The following STRAP variants were observed in gnomAD, a reference collection of about 807,000 sequenced individuals.
STRAP encodes serine-threonine kinase receptor-associated protein.
In STRAP, 16 loss-of-function variants were observed where a neutral mutation model predicts 47.0. The observed-to-expected ratio is 0.34, with a 90% CI of 0.23 to 0.52. The LOEUF (loss-of-function observed/expected upper bound fraction) is 0.52. STRAP is among the 20% of genes least tolerant of loss of function. The pLI, the probability that STRAP is intolerant of heterozygous loss-of-function variation, is 0.96. For missense variants in STRAP, 293 were observed against 420.0 expected, an observed-to-expected ratio of 0.70 and a Z score of 2.64; for synonymous variants, 130 against 142.7, an observed-to-expected ratio of 0.91 and a Z score of 0.63.
At position 15,902,924 on chromosome 12, in the gene STRAP, T is replaced by G; in HGVS notation, c.999T>G (p.Ile333Met). The change falls in exon 10 of 10, where the codon ATT becomes ATG. Residue 333 changes from isoleucine to methionine, a missense_variant. Physicochemically the swap from Ile to Met is conservative, Grantham distance 10. Around this residue, in one of 5 missense-constraint regions of STRAP, gnomAD observed 52 missense variants for 45.0 expected, o/e 1.16. Coordinates refer to ENST00000419869, the MANE Select transcript of STRAP (RefSeq NM_007178.4). ...TTTTTTTTTTACTTATAGAAGAAAT[T>G]GCTTCAGAGAATTCAGATTGCATCT... ...PETTEEELEE[I>M]ASENSDCIFP... 1 of 1,509,280 alleles carries G rather than the reference T, an allele frequency of 6.6e-7. No individual in the cohort carries two copies. The highest frequency in any genetic ancestry group is 2.4e-5 in the East Asian group (1 of 41,804). The allele number at this position is 1,509,280 out of a possible 1,614,324, so 93.5% of individuals were successfully genotyped here.
In STRAP at chr12:15,882,845, T is replaced by C. The variant is rs10846242; in HGVS notation, c.112+26T>C. On this transcript the variant is annotated intron_variant, in intron 1 of 9. Transcript: ENST00000419869. ...GTGAGCAAGGCCGCAATCCTGGTCC[T>C]CGACGGCTGGGACTGGGCTGAAAGG... 0.014 allele frequency: 22,312 copies of C among 1,596,696 alleles called. 2,270 individuals are homozygous for C. In the African/African-American group the frequency reaches 0.24, roughly 17 times the overall value.
intron 2 of STRAP, among the ~76,000 whole-genome samples, chr12:15,886,627 T>C (rs1421964151): frequency 5.9e-5 from 9 of 152,144 alleles, no homozygotes; most frequent in Admixed American, 5.9e-4. Flanking sequence ...GTCTTGTCTG[T>C]GGGGTGTAGG....
chr12:15,897,620 C>T (rs555393853), intron 6 of STRAP, among the ~76,000 whole-genome samples: 3 of 151,996 alleles, frequency 2.0e-5, no homozygotes, highest in South Asian at 2.1e-4. Context: ...CACTCATTTC[C>T]GGGAAGACAT....
intron 9 of STRAP, among the ~76,000 whole-genome samples, chr12:15,902,675 G>T (rs938297228): frequency 1.3e-5 from 2 of 152,178 alleles, no homozygotes; most frequent in African/African-American, 4.8e-5. Flanking sequence ...GACCCTTGGA[G>T]GTTGAGTTAT....
At chr12:15,885,269 A>C (rs111347377) in intron 2 of STRAP, among the ~76,000 whole-genome samples, 1 of 148,002 alleles carries the variant, frequency 6.8e-6, no homozygotes, top group African/African-American at 2.5e-5. Context: ...GCTCACTGCA[A>C]CCTCCACCTC....
In STRAP at chr12:15,888,822, CTG is replaced by C. The variant is rs201205836; in HGVS notation, c.249-1103_249-1102del. Among the ~76,000 whole-genome samples the C allele has an allele frequency of 6.0e-4, 91 of 152,216 alleles. 2 individuals are homozygous for C. In the East Asian group the frequency reaches 0.016, roughly 26 times the overall value. On this transcript the variant is annotated intron_variant, in intron 2 of 9. Coordinates refer to ENST00000419869, the MANE Select transcript of STRAP (RefSeq NM_007178.4). ...AAAGCTCTACTATGGCAAGAACCTA[CTG>C]TGGGGTATTTTTTGTCTCCCATTTG... is the stretch of plus-strand genomic sequence containing the variant.
At position 15,899,949 on chromosome 12, in the gene STRAP, G is replaced by A; in HGVS notation, c.821G>A (p.Ser274Asn). ...HFGPIHCVRF[S>N]PDGELYASGS... Reference sequence around the variant, plus strand: ...GGTCCTATTCACTGTGTGAGATTTAGTCCTGATGGAGAACTCTATGCCAGT... The same window carrying A: ...GGTCCTATTCACTGTGTGAGATTTAATCCTGATGGAGAACTCTATGCCAGT... Residue 274 changes from serine to asparagine, a missense_variant, in exon 8 of 10, where the codon AGT (serine) becomes AAT (asparagine). Ser to Asn is a conservative substitution (Grantham distance 46). Transcript: ENST00000419869. The A allele has an allele frequency of 1.2e-6, 2 of 1,613,436 alleles. No homozygotes were observed. Among genetic ancestry groups the A allele is most frequent in the Non-Finnish European group, 1.7e-6 (2 of 1,179,776 alleles).
intron 2 of STRAP, among the ~76,000 whole-genome samples, chr12:15,884,395 T>G (rs1947951143): frequency 6.6e-6 from 1 of 152,230 alleles, no homozygotes; most frequent in Admixed American, 6.5e-5. Context: ...ATGATCTTCC[T>G]GTCTTCCCTT....
rs1018468027 is a variant in STRAP, at chr12:15,896,341, G to A, written c.638+845G>A. ...TTATTTCTGTTCCTGAGTATTTGCA[G>A]ACTTAATGAATTTTTTAAACAGATT... On this transcript the variant is annotated intron_variant, in intron 6 of 9. Transcript: ENST00000419869. This position sits in a 1 kb window ranked among gnomAD's most constrained non-coding sequence, Gnocchi z 4.1. Among the ~76,000 whole-genome samples the A allele has an allele frequency of 6.6e-6, 1 of 152,168 alleles. No individual in the cohort carries two copies.
chr12:15,888,477 TC>T (rs1947989131), intron 2 of STRAP, among the ~76,000 whole-genome samples: 1 of 152,186 alleles, frequency 6.6e-6, no homozygotes, highest in Non-Finnish European at 1.5e-5. Context: ...ATTATTTCTT[TC>T]AGAACATATT....
chr12:15,903,245 A>G lies in STRAP; in HGVS notation c.*267A>G, dbSNP rs1427232467. ...ATGAATATATACAAGCCAACATCCAATTTCTATTATTACAATTAGGGTTCT... is the reference window on the plus strand; with the variant it reads ...ATGAATATATACAAGCCAACATCCAGTTTCTATTATTACAATTAGGGTTCT... On this transcript the variant is annotated 3_prime_UTR_variant, in exon 10 of 10. Transcript: ENST00000419869. 1 of 286,178 alleles carries G rather than the reference A, an allele frequency of 3.5e-6. No homozygotes were observed. Among genetic ancestry groups the G allele is most frequent in the Non-Finnish European group, 6.4e-6 (1 of 157,180 alleles). The allele number at this position is 286,178 out of a possible 1,614,324, so 17.7% of individuals were successfully genotyped here. A position where few individuals can be genotyped will look rare whatever the true frequency, so the allele number is the denominator to read the frequency against.
At chr12:15,891,407 A>T (rs991987818) in intron 4 of STRAP, among the ~76,000 whole-genome samples, 1 of 152,192 alleles carries the variant, frequency 6.6e-6, no homozygotes, top group South Asian at 2.1e-4. Context: ...CTGCAGTTAC[A>T]GTTTTTTCAT....
At position 15,882,756 on chromosome 12, in the gene STRAP, G is replaced by A; in HGVS notation, c.49G>A (p.Val17Met). 5 of 1,602,908 alleles carry A rather than the reference G, an allele frequency of 3.1e-6. No homozygotes were observed. The highest frequency in any genetic ancestry group is 1.7e-4 in the Middle Eastern group (1 of 5,998). Residue 17 changes from valine (V) to methionine (M), a missense_variant, in exon 1 of 10, where the codon GTG (valine) becomes ATG (methionine). Around this residue, in one of 5 missense-constraint regions of STRAP, gnomAD observed 31 missense variants for 39.2 expected, o/e 0.79. Transcript: ENST00000419869. Reference sequence around the variant, plus strand: ...CACCTGCTCTGGCCACACGCGACCCGTGGTTGATTTGGCCTTCAGTGGCAT... The same window carrying A: ...CACCTGCTCTGGCCACACGCGACCCATGGTTGATTTGGCCTTCAGTGGCAT... ...PLTCSGHTRP[V>M]VDLAFSGITP...
intron 9 of STRAP, 79 bp from the exon 10 acceptor site, chr12:15,902,838 C>G (rs1455403640): frequency 7.1e-7 from 1 of 1,417,248 alleles, no homozygotes; most frequent in African/African-American, 1.5e-5. Context: ...CTTCATTACA[C>G]AGAAATGTAG....
chr12:15,882,524 C>A lies in STRAP; in HGVS notation c.-184C>A. 2 of 551,122 alleles carry A rather than the reference C, an allele frequency of 3.6e-6. No individual in the cohort carries two copies. Among genetic ancestry groups the A allele is most frequent in the Non-Finnish European group, 6.6e-6 (2 of 305,238 alleles). 34.1% of individuals were successfully genotyped at this position (551,122 alleles called of 1,614,324 possible). A position where few individuals can be genotyped will look rare whatever the true frequency, so the allele number is the denominator to read the frequency against. ...GACTGTTGCTTGCTGGTCGCAGACT[C>A]CCTGACCCCTCCCTCACCCCTCCCT... On this transcript the variant is annotated 5_prime_UTR_variant, in exon 1 of 10. Coordinates refer to ENST00000419869, the MANE Select transcript of STRAP (RefSeq NM_007178.4).
intron 4 of STRAP, among the ~76,000 whole-genome samples, chr12:15,891,286 T>C (rs746581369): frequency 1.3e-5 from 2 of 152,188 alleles, no homozygotes; most frequent in South Asian, 2.1e-4. Context: ...GTAAGAAAGA[T>C]TGGTTATTTA....
intron 2 of STRAP, among the ~76,000 whole-genome samples, chr12:15,885,266 G>A (rs1287036683): frequency 6.9e-6 from 1 of 143,938 alleles, no homozygotes; most frequent in Non-Finnish European, 1.5e-5. Flanking sequence ...TCGGCTCACT[G>A]CAACCTCCAC....
In STRAP at chr12:15,894,164, A is replaced by T; in HGVS notation, c.500+21A>T. Reference sequence around the variant, plus strand: ...GTTCGGTAAGTAATTTTTCTTTAATAATTTACAATTTAAGGCCGGGCATGG... The same window carrying T: ...GTTCGGTAAGTAATTTTTCTTTAATTATTTACAATTTAAGGCCGGGCATGG... On this transcript the variant is annotated intron_variant, in intron 5 of 9. Coordinates refer to ENST00000419869, the MANE Select transcript of STRAP (RefSeq NM_007178.4). This position sits in a 1 kb window ranked among gnomAD's most constrained non-coding sequence, Gnocchi z 4.9. 6.3e-7 allele frequency: 1 copy of T among 1,594,256 alleles called. No homozygotes were observed. The highest frequency in any genetic ancestry group is 8.6e-7 in the Non-Finnish European group (1 of 1,163,886).
chr12:15,882,690 G>T lies in STRAP; in HGVS notation c.-18G>T. 4 of 1,597,764 alleles carry T rather than the reference G, an allele frequency of 2.5e-6. No individual in the cohort carries two copies. The highest frequency in any genetic ancestry group is 2.6e-6 in the Non-Finnish European group (3 of 1,173,182). On this transcript the variant is annotated 5_prime_UTR_variant, in exon 1 of 10. Coordinates refer to ENST00000419869, the MANE Select transcript of STRAP (RefSeq NM_007178.4). ...CGACCCTCAGCTCGCCAGTCCGGTC[G>T]CTGGCTTCGCCGCCGCCATGGCAAT...
Sources: gnomAD v4.1 joint callset for allele counts (sites outside exome capture counted in the v4.1 genomes callset) on GRCh38, gnomAD v4.1.1 for gene constraint, gnomAD v4.1.1 regional missense constraint, Gnocchi (gnomAD v3.1) non-coding constraint, MANE v1.5 for transcripts, NCBI Gene and HGNC (gene_info 2026-07-23, HGNC 2026-07-21) for gene names.